PHACTR1: variants seen among roughly 807,000 people sequenced by gnomAD.
The protein encoded by PHACTR1 is RPEL repeat containing 1.
PHACTR1 carries 16 observed loss-of-function variants against 69.2 expected under a neutral mutation model. That is an observed-to-expected ratio of 0.23 (90% CI 0.16 to 0.35). PHACTR1 has a LOEUF of 0.35. Ranked by LOEUF, PHACTR1 falls within the 10% of genes least tolerant of loss-of-function variation. The probability of loss-of-function intolerance (pLI) is 1.00; values close to 1 mark genes in which losing one functional copy is unlikely to be tolerated. For missense variants in PHACTR1, 510 were observed against 734.7 expected (o/e 0.69, Z 3.54); for synonymous variants, 312 against 284.5 (o/e 1.10, Z -0.97).
At chr6:13,159,197 T>C (rs939943924) in intron 5 of PHACTR1, among the ~76,000 whole-genome samples, 1 of 152,118 alleles carries the variant, frequency 6.6e-6, no homozygotes, top group African/African-American at 2.4e-5. Flanking sequence ...AGGTGCATGG[T>C]GGGGCCATGG....
intron 4 of PHACTR1, among the ~76,000 whole-genome samples, chr6:12,861,754 T>C (rs1167171743): frequency 3.3e-5 from 5 of 152,230 alleles, no homozygotes; most frequent in African/African-American, 4.8e-5. Context: ...TCTAACCGTA[T>C]CATTTCTGGC....
chr6:13,193,948 C>T (rs774934035), intron 7 of PHACTR1, among the ~76,000 whole-genome samples: 39 of 152,110 alleles, frequency 2.6e-4, no homozygotes, highest in South Asian at 4.1e-4. Flanking sequence ...TCTTCTCTTC[C>T]GGTCTCCCTA....
intron 4 of PHACTR1, among the ~76,000 whole-genome samples, chr6:12,790,312 A>G (rs534064705): frequency 6.6e-6 from 1 of 152,244 alleles, no homozygotes; most frequent in East Asian, 1.9e-4. Flanking sequence ...GATGGGCCAC[A>G]ATGACCTGTT....
chr6:12,806,055 A>G (rs1027903598), intron 4 of PHACTR1, among the ~76,000 whole-genome samples: 1 of 152,020 alleles, frequency 6.6e-6, no homozygotes, highest in Admixed American at 6.5e-5. Context: ...TTTTTCCCAA[A>G]TATAGCTCAG....
chr6:13,040,687 C>A (rs547832109), intron 4 of PHACTR1, among the ~76,000 whole-genome samples: 9 of 152,282 alleles, frequency 5.9e-5, no homozygotes, highest in African/African-American at 9.6e-5. Context: ...AGAGTGTATA[C>A]AGACTGAAAC....
In PHACTR1 at chr6:12,726,368, G is replaced by T. The variant is rs1762798132; in HGVS notation, c.103+7521G>T. Reference sequence around the variant, plus strand: ...CTTAATTGAGCTGAGTTTAAAAGCTGCTCTGAACATGTCCAGAAAGCCAGC... The same window carrying T: ...CTTAATTGAGCTGAGTTTAAAAGCTTCTCTGAACATGTCCAGAAAGCCAGC... On this transcript the variant is annotated intron_variant, in intron 3 of 14. Transcript: ENST00000332995. Among the ~76,000 whole-genome samples the T allele has an allele frequency of 2.0e-5, 3 of 152,158 alleles. No individual in the cohort carries two copies. In the South Asian group the frequency reaches 6.2e-4, roughly 32 times the overall value.
chr6:12,967,075 C>T (rs1441539711), intron 4 of PHACTR1, among the ~76,000 whole-genome samples: 4 of 152,140 alleles, frequency 2.6e-5, no homozygotes, highest in Non-Finnish European at 5.9e-5. Flanking sequence ...TGAGATATTA[C>T]AAAATTAAAA....
chr6:13,073,874 C>CTT (rs539046328), intron 5 of PHACTR1, among the ~76,000 whole-genome samples: 50 of 141,166 alleles, frequency 3.5e-4, no homozygotes, highest in Non-Finnish European at 4.2e-4. Flanking sequence ...TTTTCTTTTT[C>CTT]TTTTTTTTTT....
intron 3 of PHACTR1, among the ~76,000 whole-genome samples, chr6:12,725,281 C>T (rs1457573999): frequency 6.6e-6 from 1 of 152,218 alleles, no homozygotes; most frequent in Admixed American, 6.5e-5. Flanking sequence ...GGACTTCAAA[C>T]ATGGCCCCAA....
intron 10 of PHACTR1, among the ~76,000 whole-genome samples, chr6:13,263,882 T>A (rs1486662795): frequency 6.6e-6 from 1 of 152,190 alleles, no homozygotes; most frequent in Admixed American, 6.5e-5. Context: ...CAGCTTTCTA[T>A]GTTAACCAGT....
rs534692045 is a variant in PHACTR1, at chr6:13,044,340, A to G, written c.251-9025A>G. On this transcript the variant is annotated intron_variant, in intron 4 of 14. Coordinates refer to ENST00000332995, the MANE Select transcript of PHACTR1 (RefSeq NM_030948.6). ...TAATATTAACCAAGGCTAAATGAAGATGTTTTAGTTTGTGACCCCTACTTT... is the reference window on the plus strand; with the variant it reads ...TAATATTAACCAAGGCTAAATGAAGGTGTTTTAGTTTGTGACCCCTACTTT... Among the ~76,000 whole-genome samples the G allele has an allele frequency of 4.6e-5, 7 of 152,316 alleles. No individual in the cohort carries two copies. The East Asian group carries it at 1.4e-3, about 29-fold the overall frequency.
intron 5 of PHACTR1, among the ~76,000 whole-genome samples, chr6:13,093,798 A>G (rs1344962972): frequency 6.6e-6 from 1 of 152,234 alleles, no homozygotes; most frequent in Non-Finnish European, 1.5e-5. Flanking sequence ...AAAGTAGTCC[A>G]GTAAGTAGAT....
intron 4 of PHACTR1, among the ~76,000 whole-genome samples, chr6:12,828,608 A>G (rs905150298): frequency 6.6e-6 from 1 of 152,160 alleles, no homozygotes; most frequent in African/African-American, 2.4e-5. Flanking sequence ...ATTTGACTGT[A>G]GCTGTCTTTG....
intron 10 of PHACTR1, among the ~76,000 whole-genome samples, chr6:13,254,552 A>T (rs754229895): frequency 1.3e-5 from 2 of 152,230 alleles, no homozygotes; most frequent in Non-Finnish European, 2.9e-5. Flanking sequence ...TAGTGTCCCA[A>T]ATCTGAATAC....
At chr6:12,936,683 C>T (rs1174395626) in intron 4 of PHACTR1, among the ~76,000 whole-genome samples, 1 of 152,218 alleles carries the variant, frequency 6.6e-6, no homozygotes, top group Non-Finnish European at 1.5e-5. Flanking sequence ...GAAGAAATAG[C>T]ATCTATAGGA....
intron 5 of PHACTR1, among the ~76,000 whole-genome samples, chr6:13,080,066 A>G (rs550113125): frequency 2.4e-4 from 37 of 152,070 alleles, no homozygotes; most frequent in Non-Finnish European, 3.4e-4. Context: ...ATTCACCCAT[A>G]CCCAGTTTTG....
At position 13,010,818 on chromosome 6, in the gene PHACTR1, A is replaced by T. The variant is rs1341586759; in HGVS notation, c.251-42547A>T. 2.1e-5 allele frequency among the ~76,000 whole-genome samples: 3 copies of T among 139,932 alleles called. No homozygotes were observed. In the East Asian group the frequency reaches 6.0e-4, roughly 28 times the overall value. The allele number at this position is 139,932 out of a possible 152,430, so 91.8% of individuals were successfully genotyped here. A position where few individuals can be genotyped will look rare whatever the true frequency, so the allele number is the denominator to read the frequency against. On this transcript the variant is annotated intron_variant, in intron 4 of 14. Transcript: ENST00000332995. ...CGTCCTCATTTAGATCAACTTGGTT[A>T]AAAAAAAAAAAGCTACAAGGAAACG... is the stretch of plus-strand genomic sequence containing the variant.
intron 4 of PHACTR1, among the ~76,000 whole-genome samples, chr6:12,966,388 T>A (rs1260804762): frequency 2.0e-5 from 3 of 152,174 alleles, no homozygotes; most frequent in Non-Finnish European, 4.4e-5. Context: ...TAAAGTAACT[T>A]GTCCCTGGAC....
chr6:12,919,819 TC>T (rs1188257357), intron 4 of PHACTR1, among the ~76,000 whole-genome samples: 2 of 152,196 alleles, frequency 1.3e-5, no homozygotes, highest in Non-Finnish European at 2.9e-5. Context: ...ATCTTTTGCG[TC>T]TTTTGTTTTT....
Sources: allele counts gnomAD v4.1 joint callset (sites outside exome capture counted in the v4.1 genomes callset), GRCh38; gene constraint gnomAD v4.1.1; transcripts MANE v1.5; gene names NCBI Gene and HGNC (gene_info 2026-07-23, HGNC 2026-07-21).